PICALM: variants seen among roughly 807,000 people sequenced by gnomAD.
PICALM encodes phosphatidylinositol-binding clathrin assembly protein.
A neutral mutation model predicts 80.5 loss-of-function variants in PICALM; 40 were observed. The observed-to-expected ratio is 0.50, with a 90% CI of 0.39 to 0.65. The LOEUF is 0.65. PICALM is among the 30% of genes least tolerant of loss of function. PICALM has a pLI of 0.00. For synonymous variants in PICALM, 288 were observed against 260.3 expected (o/e 1.11, Z -1.02); for missense variants, 676 against 778.9 (o/e 0.87, Z 1.57).
At chr11:86,048,430 TA>T (rs1384078106) in intron 1 of PICALM, among the ~76,000 whole-genome samples, 1 of 152,210 alleles carries the variant, frequency 6.6e-6, no homozygotes, top group South Asian at 2.1e-4. Context: ...TTATACTCTA[TA>T]AAGTCTAAGA....
At chr11:85,964,319 T>C (rs2093800209) in intron 19 of PICALM, among the ~76,000 whole-genome samples, 2 of 152,210 alleles carry the variant, frequency 1.3e-5, no homozygotes. Context: ...AACTTAACAA[T>C]GCTGTAGAGA....
intron 1 of PICALM, among the ~76,000 whole-genome samples, chr11:86,036,287 C>T (rs1173945924): frequency 7.2e-5 from 11 of 152,252 alleles, no homozygotes; most frequent in Admixed American, 7.2e-4. Context: ...AATGAACAGT[C>T]TTATTTCTTA....
intron 1 of PICALM, among the ~76,000 whole-genome samples, chr11:86,054,399 T>C (rs1403361833): frequency 1.3e-5 from 2 of 152,220 alleles, no homozygotes; most frequent in Non-Finnish European, 2.9e-5. Flanking sequence ...AGGATGGCAC[T>C]GAAGAGCCCA....
intron 1 of PICALM, among the ~76,000 whole-genome samples, chr11:86,061,794 C>T (rs899547475): frequency 1.6e-4 from 25 of 152,282 alleles, no homozygotes; most frequent in African/African-American, 6.0e-4. Context: ...ACAAAAGACA[C>T]GCACACAGAT....
At chr11:85,978,234 T>A in intron 17 of PICALM, 1 of 707,174 alleles carries the variant, frequency 1.4e-6, no homozygotes, top group East Asian at 2.6e-5. Context: ...ATTTCCAGTA[T>A]CTAATGAAAG....
chr11:85,960,332 G>C (rs1009976504), intron 19 of PICALM, among the ~76,000 whole-genome samples: 2 of 152,196 alleles, frequency 1.3e-5, no homozygotes, highest in African/African-American at 4.8e-5. Flanking sequence ...CTGTCTTCCA[G>C]CAAACAGAGG....
At chr11:86,055,202 C>T (rs2096250993) in intron 1 of PICALM, among the ~76,000 whole-genome samples, 1 of 151,684 alleles carries the variant, frequency 6.6e-6, no homozygotes, top group Admixed American at 6.6e-5. Context: ...TGGTGGCACA[C>T]GTCTGTAATC....
At chr11:85,968,109 G>C (rs1026033966) in intron 19 of PICALM, among the ~76,000 whole-genome samples, 1 of 152,138 alleles carries the variant, frequency 6.6e-6, no homozygotes. Flanking sequence ...CAAGGTGGGA[G>C]GACTGCTTGA....
chr11:86,030,854 C>G (rs1480275420), intron 2 of PICALM, among the ~76,000 whole-genome samples: 1 of 152,188 alleles, frequency 6.6e-6, no homozygotes, highest in East Asian at 1.9e-4. Flanking sequence ...ATGGCTTACG[C>G]CTGTAATCCC....
At chr11:85,969,216 A>G (rs914629686) in intron 19 of PICALM, among the ~76,000 whole-genome samples, 11 of 152,208 alleles carry the variant, frequency 7.2e-5, no homozygotes, top group African/African-American at 2.2e-4. Flanking sequence ...TGTCTCACTA[A>G]ATGGCAACAA....
intron 7 of PICALM, among the ~76,000 whole-genome samples, chr11:86,009,614 C>T (rs2136248870): frequency 6.6e-6 from 1 of 152,316 alleles, no homozygotes; most frequent in East Asian, 1.9e-4. Context: ...ATCGCTTGAA[C>T]CCAGGAGGTG....
At chr11:86,012,143 CTT>C (rs1041777456) in intron 6 of PICALM, 136 bp downstream of exon 6, 13 of 435,564 alleles carry the variant, frequency 3.0e-5, no homozygotes, top group Middle Eastern at 5.9e-4. Context: ...GTATAAAACT[CTT>C]TTCTCCAAAT....
At position 86,012,868 on chromosome 11, in the gene PICALM, A is replaced by G. The variant is rs75822180; in HGVS notation, c.547-476T>C. Reference sequence around the variant, plus strand: ...TAAATAAAGTAAATGAAAACAATTTACAAAATAAAAAATACATATGGATAA... The same window carrying G: ...TAAATAAAGTAAATGAAAACAATTTGCAAAATAAAAAATACATATGGATAA... On this transcript the variant is annotated intron_variant, in intron 5 of 19. Coordinates refer to ENST00000393346, the MANE Select transcript of PICALM (RefSeq NM_007166.4). Among the ~76,000 whole-genome samples the G allele has an allele frequency of 8.8e-3, 1,344 of 152,280 alleles. 18 individuals carry two copies. Among genetic ancestry groups the G allele is most frequent in the African/African-American group, 0.03 (1,258 of 41,542 alleles).
intron 8 of PICALM, among the ~76,000 whole-genome samples, chr11:86,007,071 G>A (rs949227504): frequency 6.6e-6 from 1 of 151,994 alleles, no homozygotes; most frequent in Non-Finnish European, 1.5e-5. Context: ...CTGAAATTTC[G>A]ACGTATCCCA....
intron 19 of PICALM, among the ~76,000 whole-genome samples, chr11:85,972,806 A>C (rs967142717): frequency 2.0e-5 from 3 of 152,196 alleles, no homozygotes; most frequent in Non-Finnish European, 4.4e-5. Flanking sequence ...TAAATGTACA[A>C]ATAACAAAAT....
At chr11:86,037,760 G>C (rs376034210) in intron 1 of PICALM, among the ~76,000 whole-genome samples, 1 of 151,648 alleles carries the variant, frequency 6.6e-6, no homozygotes, top group Non-Finnish European at 1.5e-5. Flanking sequence ...CCAAATACAA[G>C]GTGATGCATA....
At chr11:86,054,442 A>G (rs1004481598) in intron 1 of PICALM, among the ~76,000 whole-genome samples, 4 of 152,098 alleles carry the variant, frequency 2.6e-5, no homozygotes, top group African/African-American at 7.2e-5. Flanking sequence ...CTCCTTTAAG[A>G]GCTCCCTCTC....
Position 85,983,841 on chromosome 11 carries a change from T to A in PICALM, c.1516+25A>T, listed in dbSNP as rs777364556. On this transcript the variant is annotated intron_variant, in intron 14 of 19. Transcript: ENST00000393346. ...AATCTAAATTAGGACATTATAATATTTTTAATAAAATTTTTTTTCCTTACC... is the reference window on the plus strand; with the variant it reads ...AATCTAAATTAGGACATTATAATATATTTAATAAAATTTTTTTTCCTTACC... 4 of 944,078 alleles carry A rather than the reference T, an allele frequency of 4.2e-6. No individual in the cohort carries two copies. In the South Asian group the frequency reaches 4.5e-5, roughly 11 times the overall value. The allele number at this position is 944,078 out of a possible 1,614,324, so 58.5% of individuals were successfully genotyped here. A position where few individuals can be genotyped will look rare whatever the true frequency, so the allele number is the denominator to read the frequency against.
Position 86,003,370 on chromosome 11 carries a change from T to C in PICALM, c.889A>G (p.Ser297Gly). 2 of 1,583,600 alleles carry C rather than the reference T, an allele frequency of 1.3e-6. No homozygotes were observed. Among genetic ancestry groups the C allele is most frequent in the Non-Finnish European group, 1.7e-6 (2 of 1,156,964 alleles). The change falls in exon 9 of 20, where the codon AGC (serine) becomes GGC (glycine). Residue 297 changes from serine to glycine, a missense_variant. This residue lies in a region of PICALM where 285 missense variants were observed against 395.4 expected (regional missense o/e 0.72). Transcript: ENST00000393346. Reference protein sequence around the residue: ...GKKIKDSTAASRATTLSNAVS... With the variant: ...GKKIKDSTAAGRATTLSNAVS... ...GGCCTACAAAGAATGATATACCTGC[T>C]TGCAGCTGTAGAATCTTTGATTTTC...
Sources: allele counts gnomAD v4.1 joint callset (sites outside exome capture counted in the v4.1 genomes callset), GRCh38; gene constraint gnomAD v4.1.1; regional missense constraint gnomAD v4.1.1; transcripts MANE v1.5; gene names NCBI Gene and HGNC (gene_info 2026-07-23, HGNC 2026-07-21).